Variants in ADPGK observed in about 807,000 individuals in gnomAD.
ADPGK encodes ADP dependent glucokinase.
ADPGK carries 26 observed loss-of-function variants against 42.4 expected under a neutral mutation model. That is an observed-to-expected ratio of 0.61 (90% confidence interval 0.45 to 0.85). The LOEUF (loss-of-function observed/expected upper bound fraction) is 0.85, where lower values mean the gene tolerates loss of function less well. ADPGK is among the 40% of genes least tolerant of loss of function. The probability of loss-of-function intolerance (pLI) is 0.00; values close to 1 mark genes in which losing one functional copy is unlikely to be tolerated. For missense variants in ADPGK, 571 were observed against 627.0 expected (o/e 0.91, Z 0.95); for synonymous variants, 267 against 252.6 (o/e 1.06, Z -0.54).
chr15:72,773,962 G>A (rs2066358697), intron 2 of ADPGK, among the ~76,000 whole-genome samples: 1 of 152,164 alleles, frequency 6.6e-6, no homozygotes, highest in African/African-American at 2.4e-5. Context: ...TTGACCTCCC[G>A]GGCTCAGGTG....
chr15:72,776,413 C>CGGGT (rs1472061856), intron 1 of ADPGK, among the ~76,000 whole-genome samples: 1 of 152,230 alleles, frequency 6.6e-6, no homozygotes, highest in East Asian at 1.9e-4. Context: ...CCTAGTGATA[C>CGGGT]GGGTGACTGG....
At chr15:72,754,222 C>A (rs889398344) in intron 6 of ADPGK, among the ~76,000 whole-genome samples, 1 of 152,088 alleles carries the variant, frequency 6.6e-6, no homozygotes, top group Non-Finnish European at 1.5e-5. Context: ...CTTGTCTAAT[C>A]CACAGATTCC....
chr15:72,774,995 C>G lies in ADPGK; in HGVS notation c.336G>C (p.Arg112Ser). The G allele has an allele frequency of 6.2e-7, 1 of 1,614,176 alleles. No homozygotes were observed. The highest frequency in any genetic ancestry group is 2.2e-5 in the East Asian group (1 of 44,884). Residue 112 changes from arginine (R) to serine (S), a missense_variant, in exon 2 of 7, where the codon AGG becomes AGC. Around this residue, in one of 2 missense-constraint regions of ADPGK, gnomAD observed 434 missense variants for 522.7 expected, o/e 0.83. Transcript: ENST00000456471. Reference protein sequence around the residue: ...NGKDHSILHSRNDLEEAFIHF... With the variant: ...NGKDHSILHSSNDLEEAFIHF... ...GAATGAAGGCTTCTTCCAGATCATTCCTTGAATGCAGAATGCTGTGATCTT... is the reference window on the plus strand; with the variant it reads ...GAATGAAGGCTTCTTCCAGATCATTGCTTGAATGCAGAATGCTGTGATCTT...
Position 72,783,511 on chromosome 15 carries a change from A to C in ADPGK, c.181T>G (p.Trp61Gly). ...ACTGGCCGCACGATAAGCGCGTCCC[A>C]GGCTGCCGCCAACCGGCCCTCGGGG... Reference protein sequence around the residue: ...VSPEGRLAAAWDALIVRPVRR... With the variant: ...VSPEGRLAAAGDALIVRPVRR... Residue 61 changes from tryptophan to glycine, a missense_variant, in exon 1 of 7, where the codon TGG (tryptophan) becomes GGG (glycine). Transcript: ENST00000456471. The C allele has an allele frequency of 6.8e-7, 1 of 1,472,332 alleles. No homozygotes were observed. Among genetic ancestry groups the C allele is most frequent in the Non-Finnish European group, 8.9e-7 (1 of 1,118,918 alleles). 91.2% of individuals were successfully genotyped at this position (1,472,332 alleles called of 1,614,324 possible).
intron 2 of ADPGK, 95 bp from the exon 3 acceptor site, chr15:72,771,940 A>C: frequency 9.9e-7 from 1 of 1,014,822 alleles, no homozygotes; most frequent in Non-Finnish European, 1.4e-6. Context: ...TTTATAGTCC[A>C]TTTCCCAAAA....
intron 3 of ADPGK, among the ~76,000 whole-genome samples, chr15:72,764,351 T>C (rs2151079681): frequency 6.6e-6 from 1 of 152,290 alleles, no homozygotes; most frequent in Non-Finnish European, 1.5e-5. Flanking sequence ...ATTGCTGATA[T>C]GGAGAAAGTC....
chr15:72,768,365 C>T (rs1448555364), intron 3 of ADPGK, among the ~76,000 whole-genome samples: 3 of 152,164 alleles, frequency 2.0e-5, no homozygotes, highest in African/African-American at 7.2e-5. Context: ...CAATGCGACA[C>T]TCACTCTGTT....
intron 1 of ADPGK, among the ~76,000 whole-genome samples, chr15:72,779,524 C>T (rs565812296): frequency 1.3e-5 from 2 of 152,126 alleles, no homozygotes; most frequent in Admixed American, 6.5e-5. Flanking sequence ...GGATTACAGG[C>T]GTGAGCCACC....
Position 72,772,419 on chromosome 15 carries a change from T to C in ADPGK, c.460-574A>G, listed in dbSNP as rs191718590. 9.2e-5 allele frequency among the ~76,000 whole-genome samples: 14 copies of C among 152,298 alleles called. No homozygotes were observed. The South Asian group carries it at 1.9e-3, about 20-fold the overall frequency. Reference sequence around the variant, plus strand: ...ATTAGGACACCCTCCCTTTCTCATATACTAGGTAAAACCCTGATCACTTTC... The same window carrying C: ...ATTAGGACACCCTCCCTTTCTCATACACTAGGTAAAACCCTGATCACTTTC... On this transcript the variant is annotated intron_variant, in intron 2 of 6. Transcript: ENST00000456471.
intron 3 of ADPGK, among the ~76,000 whole-genome samples, chr15:72,762,063 G>T (rs984888208): frequency 6.6e-6 from 1 of 152,066 alleles, no homozygotes; most frequent in Non-Finnish European, 1.5e-5. Flanking sequence ...GTAGAGACGG[G>T]GTTTCACCAT....
intron 1 of ADPGK, among the ~76,000 whole-genome samples, chr15:72,777,644 C>T (rs543886119): frequency 6.6e-6 from 1 of 152,054 alleles, no homozygotes; most frequent in South Asian, 2.1e-4. Context: ...TGCCATGGTA[C>T]TCCAGCCTGG....
intron 3 of ADPGK, among the ~76,000 whole-genome samples, chr15:72,765,221 C>T (rs921397862): frequency 1.3e-5 from 2 of 152,148 alleles, no homozygotes; most frequent in Non-Finnish European, 2.9e-5. Flanking sequence ...CGATCTCAGC[C>T]CACTGCAATC....
Position 72,752,896 on chromosome 15 carries a change from C to T in ADPGK, c.940-1G>A. On this transcript the variant is annotated splice_acceptor_variant, in intron 6 of 6. Transcript: ENST00000456471. LOFTEE classifies it high-confidence loss of function. ...GGGAAGTCACCGCGGGAAAGACCTG[C>T]TAACAAAAACAACAACAGGTATCTT... 1.2e-6 allele frequency: 2 copies of T among 1,605,668 alleles called. No individual in the cohort carries two copies. The highest frequency in any genetic ancestry group is 1.7e-6 in the Non-Finnish European group (2 of 1,175,560).
In ADPGK at chr15:72,783,565, GC is replaced by G. The variant is rs1359163400; in HGVS notation, c.126del (p.Ala44ArgfsTer47). ...ACGGGTCCCGGGGGCGCAGGCGCGG[GC>G]CCCAGACACAGCGAGCTCCAGAGAG... ...LRSLWSSLCL[G>X]PAPAPPGPVS... is the part of the protein sequence containing the mutation. On this transcript the variant is annotated frameshift_variant, in exon 1 of 7. Transcript: ENST00000456471. LOFTEE classifies it high-confidence loss of function. The G allele has an allele frequency of 6.6e-7, 1 of 1,509,342 alleles. No individual in the cohort carries two copies. The highest frequency in any genetic ancestry group is 2.7e-5 in the East Asian group (1 of 37,286). The allele number at this position is 1,509,342 out of a possible 1,614,324, so 93.5% of individuals were successfully genotyped here.
In ADPGK at chr15:72,751,494, G is replaced by T. The variant is rs1432251716; in HGVS notation, c.*847C>A. 1 of 152,596 alleles carries T rather than the reference G, an allele frequency of 6.6e-6. No homozygotes were observed. The allele number at this position is 152,596 out of a possible 1,614,324, so 9.5% of individuals were successfully genotyped here. ...AGCTCTGAGGTCAAACTCTTTAAAT[G>T]ATCAGTGAAAACATAAAACATCCAT... is the stretch of plus-strand genomic sequence containing the variant. On this transcript the variant is annotated 3_prime_UTR_variant, in exon 7 of 7. Coordinates refer to ENST00000456471, the MANE Select transcript of ADPGK (RefSeq NM_001365225.1).
At chr15:72,771,637 A>C (rs1295790550) in intron 3 of ADPGK, 146 bp downstream of exon 3, 3 of 632,126 alleles carry the variant, frequency 4.7e-6, no homozygotes, top group Non-Finnish European at 8.1e-6. Context: ...ATCTCCTACT[A>C]TTACTGCTTC....
chr15:72,758,563 T>C (rs1035575667), intron 4 of ADPGK: 1 of 215,948 alleles, frequency 4.6e-6, no homozygotes, highest in Non-Finnish European at 9.4e-6. Context: ...CCTAGGAAAA[T>C]GTCACCTCAC....
At position 72,783,635 on chromosome 15, in the gene ADPGK, G is replaced by A. The variant is rs901883329; in HGVS notation, c.57C>T (p.Cys19=). The change falls in exon 1 of 7, where the codon TGC becomes TGT. Residue 19 remains cysteine, a synonymous_variant. Coordinates refer to ENST00000456471, the MANE Select transcript of ADPGK (RefSeq NM_001365225.1). ...YAGFLALAVG[C]VFLLEPELPG... is the part of the protein sequence containing the mutation. ...GCAGCTCTGGCTCCAGCAGGAAGAC[G>A]CAGCCCACGGCCAGCGCCAGGAAGC... 13 of 1,512,426 alleles carry A rather than the reference G, an allele frequency of 8.6e-6. No homozygotes were observed. Among genetic ancestry groups the A allele is most frequent in the Admixed American group, 2.0e-5 (1 of 48,888 alleles). The allele number at this position is 1,512,426 out of a possible 1,614,324, so 93.7% of individuals were successfully genotyped here.
Position 72,774,939 on chromosome 15 carries a change from C to G in ADPGK, c.392G>C (p.Arg131Pro), listed in dbSNP as rs754860844. The G allele has an allele frequency of 6.2e-7, 1 of 1,614,156 alleles. No homozygotes were observed. The highest frequency in any genetic ancestry group is 8.5e-7 in the Non-Finnish European group (1 of 1,180,034). The change falls in exon 2 of 7, where the codon CGC becomes CCC. Residue 131 changes from arginine (R) to proline (P), a missense_variant. Transcript: ENST00000456471. ...HFMGKGAAAE[R>P]FFSDKETFHD... ...AAAAGTTTCCTTATCACTGAAGAAG[C>G]GCTCAGCAGCTGCTCCCTTCCCCAT...
Sources: allele counts gnomAD v4.1 joint callset (sites outside exome capture counted in the v4.1 genomes callset), GRCh38; gene constraint gnomAD v4.1.1; regional missense constraint gnomAD v4.1.1; transcripts MANE v1.5; gene names NCBI Gene and HGNC (gene_info 2026-07-23, HGNC 2026-07-21).